The following TRPM3 variants were observed in gnomAD, a reference collection of about 807,000 sequenced individuals.
TRPM3 encodes transient receptor potential cation channel subfamily M member 3.
Under a neutral mutation model 181.2 loss-of-function variants are expected in TRPM3, and 77 were observed. That is an observed-to-expected ratio of 0.42 (90% confidence interval 0.35 to 0.51). TRPM3 has a LOEUF of 0.51. Among genes scored for constraint, TRPM3 ranks in the 20% least tolerant of loss-of-function variants. TRPM3 has a pLI of 0.01. For synonymous variants in TRPM3, 745 were observed against 796.4 expected, an observed-to-expected ratio of 0.94 and a Z score of 1.09; for missense variants, 1,759 against 2,196.7, an observed-to-expected ratio of 0.80 and a Z score of 3.98.
chr9:71,203,378 G>A lies in TRPM3; in HGVS notation c.183+243275C>T, dbSNP rs188280129. The stretch of plus-strand genomic sequence containing the variant: ...GTTGTCTCTTTTTCCCTCTTAACAT[G>A]TCTCAGTAAGTTGTAAGCAAATCCA... On this transcript the variant is annotated intron_variant, in intron 1 of 24. Coordinates refer to the TRPM3 transcript ENST00000357533. Among the ~76,000 whole-genome samples the A allele has an allele frequency of 9.7e-4, 147 of 152,226 alleles. 1 individual carries two copies. Among genetic ancestry groups the A allele is most frequent in the African/African-American group, 3.2e-3 (134 of 41,528 alleles).
intron 5 of TRPM3, 31 bp from the exon 6 acceptor site, chr9:70,828,049 T>A (rs1431384520): frequency 8.2e-6 from 13 of 1,581,020 alleles, no homozygotes; most frequent in Admixed American, 7.4e-5. Context: ...GAGGCAGAAG[T>A]CAGAAAAAAA....
At chr9:71,317,886 TAAAAAC>T (rs1251639528) in intron 1 of TRPM3, among the ~76,000 whole-genome samples, 1 of 152,076 alleles carries the variant, frequency 6.6e-6, no homozygotes, top group East Asian at 1.9e-4. Context: ...ATTTTTGAAA[TAAAAAC>T]AAAAATATAA....
At chr9:70,971,894 A>T (rs1305187146) in intron 1 of TRPM3, among the ~76,000 whole-genome samples, 1 of 152,144 alleles carries the variant, frequency 6.6e-6, no homozygotes, top group African/African-American at 2.4e-5. Context: ...ATGAGATACA[A>T]CTTCACACCA....
intron 4 of TRPM3, among the ~76,000 whole-genome samples, chr9:70,843,800 A>T (rs2094824791): frequency 6.6e-6 from 1 of 152,008 alleles, no homozygotes; most frequent in African/African-American, 2.4e-5. Flanking sequence ...TTTAAAAACC[A>T]TTTAAAGAAG....
At chr9:71,060,538 C>G (rs2061204905) in intron 1 of TRPM3, among the ~76,000 whole-genome samples, 1 of 152,114 alleles carries the variant, frequency 6.6e-6, no homozygotes, top group Non-Finnish European at 1.5e-5. Flanking sequence ...CTCAGTGCTC[C>G]CCTACAGCTA....
chr9:71,172,700 A>G (rs1460577539), intron 1 of TRPM3, among the ~76,000 whole-genome samples: 1 of 152,170 alleles, frequency 6.6e-6, no homozygotes, highest in Non-Finnish European at 1.5e-5. Context: ...GGGAAACAAT[A>G]AAAGCTCTCT....
intron 1 of TRPM3, among the ~76,000 whole-genome samples, chr9:71,113,713 G>C (rs1456428062): frequency 2.0e-5 from 3 of 152,102 alleles, no homozygotes; most frequent in Non-Finnish European, 4.4e-5. Context: ...TTAAAGATGT[G>C]GATACATTTT....
intron 1 of TRPM3, among the ~76,000 whole-genome samples, chr9:70,978,202 A>C (rs1345793317): frequency 6.6e-6 from 1 of 152,196 alleles, no homozygotes; most frequent in African/African-American, 2.4e-5. Context: ...CCTGCCAAAT[A>C]CGTATTTCTT....
intron 8 of TRPM3, among the ~76,000 whole-genome samples, chr9:70,699,219 A>G (rs555965650): frequency 6.6e-6 from 1 of 152,146 alleles, no homozygotes; most frequent in African/African-American, 2.4e-5. Context: ...GTGACAAGAA[A>G]ATTTTTTCTA....
chr9:71,077,212 C>T (rs1166488951), intron 1 of TRPM3, among the ~76,000 whole-genome samples: 1 of 152,126 alleles, frequency 6.6e-6, no homozygotes, highest in Non-Finnish European at 1.5e-5. Context: ...TATTAGTGCC[C>T]AGGAATCCAG....
intron 1 of TRPM3, among the ~76,000 whole-genome samples, chr9:71,442,036 G>C (rs1413281112): frequency 6.6e-6 from 1 of 152,194 alleles, no homozygotes; most frequent in Non-Finnish European, 1.5e-5. Flanking sequence ...ACGAATGGTA[G>C]GTTTGTTTGT....
intron 1 of TRPM3, among the ~76,000 whole-genome samples, chr9:70,989,080 AG>A (rs1356819412): frequency 6.6e-6 from 1 of 152,216 alleles, no homozygotes; most frequent in Non-Finnish European, 1.5e-5. Context: ...GTGAGATAAT[AG>A]ATGGGCATTG....
intron 8 of TRPM3, among the ~76,000 whole-genome samples, chr9:70,738,373 A>G (rs2073247026): frequency 6.6e-6 from 1 of 152,220 alleles, no homozygotes; most frequent in African/African-American, 2.4e-5. Context: ...CATTGTGCAC[A>G]TGTACCCTAA....
chr9:71,209,674 GC>G (rs1301829053), intron 1 of TRPM3, among the ~76,000 whole-genome samples: 13 of 152,236 alleles, frequency 8.5e-5, no homozygotes, highest in African/African-American at 3.1e-4. Flanking sequence ...GCCAAATCCA[GC>G]CTGCTGCCTC....
At chr9:71,162,861 C>T (rs7038966) in intron 1 of TRPM3, among the ~76,000 whole-genome samples, 60,767 of 151,930 alleles carry the variant, frequency 0.4, 12,466 homozygotes, top group East Asian at 0.52. Flanking sequence ...GTACAAGATG[C>T]TATAGGAACA....
intron 7 of TRPM3, chr9:70,776,449 T>A: frequency 1.4e-6 from 1 of 713,068 alleles, no homozygotes; most frequent in Non-Finnish European, 2.6e-6. Context: ...TTCCTCTTCC[T>A]TTTTTCTTTC....
intron 1 of TRPM3, among the ~76,000 whole-genome samples, chr9:71,184,317 C>T (rs559626365): frequency 1.1e-4 from 17 of 152,266 alleles, no homozygotes; most frequent in African/African-American, 3.1e-4. Flanking sequence ...ACTCAACGCT[C>T]ATCCTTAGCA....
At chr9:71,151,954 T>C (rs1261010643) in intron 1 of TRPM3, among the ~76,000 whole-genome samples, 2 of 152,144 alleles carry the variant, frequency 1.3e-5, no homozygotes, top group Non-Finnish European at 2.9e-5. Context: ...AAAATGTATG[T>C]TATAAAAACC....
chr9:71,327,972 G>C (rs1388641590), intron 1 of TRPM3, among the ~76,000 whole-genome samples: 1 of 151,886 alleles, frequency 6.6e-6, no homozygotes, highest in African/African-American at 2.4e-5. Context: ...TACTGGACTG[G>C]GTTCATTTGG....
Sources: gnomAD v4.1 joint callset for allele counts (sites outside exome capture counted in the v4.1 genomes callset) on GRCh38, gnomAD v4.1.1 for gene constraint, MANE v1.5 for transcripts, NCBI Gene and HGNC (gene_info 2026-07-23, HGNC 2026-07-21) for gene names.